ADGRF5: variants seen among roughly 807,000 people sequenced by gnomAD.
The protein encoded by ADGRF5 is adhesion G protein-coupled receptor F5.
A neutral mutation model predicts 132.3 loss-of-function variants in ADGRF5; 75 were observed. That is an observed-to-expected ratio of 0.57 (90% CI 0.47 to 0.69). The LOEUF is 0.69. ADGRF5 is among the 30% of genes least tolerant of loss of function. ADGRF5 has a pLI of 0.00. For synonymous variants in ADGRF5, 629 were observed against 597.6 expected (o/e 1.05, Z -0.77); for missense variants, 1,516 against 1,630.6 (o/e 0.93, Z 1.21).
intron 13 of ADGRF5, among the ~76,000 whole-genome samples, chr6:46,866,220 G>A (rs1388125117): frequency 6.6e-6 from 1 of 152,166 alleles, no homozygotes; most frequent in Non-Finnish European, 1.5e-5. Context: ...GTGATGGCAG[G>A]ACAACTATAT....
intron 4 of ADGRF5, among the ~76,000 whole-genome samples, chr6:46,885,133 G>T (rs1027171963): frequency 1.1e-4 from 17 of 150,792 alleles, no homozygotes; most frequent in Non-Finnish European, 1.5e-5. Flanking sequence ...GGAAGAGGTT[G>T]CAGTGAGTTG....
intron 3 of ADGRF5, among the ~76,000 whole-genome samples, chr6:46,889,499 T>G (rs662679): frequency 0.33 from 47,580 of 143,992 alleles, 9,922 homozygotes; most frequent in East Asian, 0.51. Flanking sequence ...AGTTTATATA[T>G]AGAGAGAGAC....
At chr6:46,895,713 A>G (rs1581895980) in intron 3 of ADGRF5, among the ~76,000 whole-genome samples, 1 of 151,390 alleles carries the variant, frequency 6.6e-6, no homozygotes, top group East Asian at 1.9e-4. Flanking sequence ...GGGGCTCTTC[A>G]GCACCAGGCT....
intron 1 of ADGRF5, among the ~76,000 whole-genome samples, chr6:46,930,369 C>T (rs1777497087): frequency 6.6e-6 from 1 of 152,184 alleles, no homozygotes; most frequent in Non-Finnish European, 1.5e-5. Context: ...GAAACTGCCC[C>T]TACTCTGACT....
intron 9 of ADGRF5, among the ~76,000 whole-genome samples, chr6:46,879,491 C>T (rs1015829848): frequency 2.0e-5 from 3 of 152,158 alleles, no homozygotes; most frequent in African/African-American, 7.2e-5. Flanking sequence ...CTCTCCCTCT[C>T]CTGCTGCCAT....
chr6:46,926,671 T>C (rs1400253178), upstream of ADGRF5, among the ~76,000 whole-genome samples: 3 of 152,294 alleles, frequency 2.0e-5, no homozygotes, highest in African/African-American at 7.2e-5. Context: ...TCACTTCTGA[T>C]GCCCATGGTA....
chr6:46,867,168 A>G (rs1770548137), intron 12 of ADGRF5, 31 bp from the exon 13 acceptor site: 3 of 1,206,588 alleles, frequency 2.5e-6, no homozygotes, highest in Non-Finnish European at 3.5e-6. Context: ...ATGAGATGGA[A>G]TGGAAATAAT....
At chr6:46,873,747 G>A (rs954122960) in intron 10 of ADGRF5, among the ~76,000 whole-genome samples, 3 of 151,974 alleles carry the variant, frequency 2.0e-5, no homozygotes, top group African/African-American at 4.8e-5. Context: ...TGACATCTTC[G>A]GTACCTTCAA....
At chr6:46,897,488 C>T (rs1311146296) in intron 3 of ADGRF5, among the ~76,000 whole-genome samples, 1 of 152,176 alleles carries the variant, frequency 6.6e-6, no homozygotes, top group African/African-American at 2.4e-5. Context: ...ACACACCCAC[C>T]AAGCAGAACA....
chr6:46,866,782 T>G, intron 13 of ADGRF5, 143 bp downstream of exon 13: 2 of 592,436 alleles, frequency 3.4e-6, no homozygotes, highest in East Asian at 5.6e-5. Context: ...AAATAGAAGG[T>G]AACAAAGATT....
intron 1 of ADGRF5, among the ~76,000 whole-genome samples, chr6:46,941,597 C>A (rs774616704): frequency 6.6e-5 from 10 of 151,896 alleles, no homozygotes; most frequent in Non-Finnish European, 1.3e-4. Context: ...GTCAAGCTGT[C>A]CAGGTGATTC....
At chr6:46,870,872 A>T in intron 11 of ADGRF5, 1 of 444,536 alleles carries the variant, frequency 2.2e-6, no homozygotes, top group Non-Finnish European at 4.5e-6. Context: ...AGCAATTTGC[A>T]GTTTTCTGTA....
At chr6:46,927,305 T>A (rs1007447682) in intron 1 of ADGRF5, among the ~76,000 whole-genome samples, 1 of 45,122 alleles carries the variant, frequency 2.2e-5, no homozygotes, top group African/African-American at 1.5e-4. Context: ...GCGGCGGGGG[T>A]GGGTGGAGGG....
chr6:46,863,810 T>A (rs1770064861), intron 14 of ADGRF5, among the ~76,000 whole-genome samples: 1 of 152,174 alleles, frequency 6.6e-6, no homozygotes, highest in South Asian at 2.1e-4. Context: ...AAACCATATT[T>A]GGTATAAAGA....
At chr6:46,862,790 C>T in intron 15 of ADGRF5, 98 bp downstream of exon 15, 1 of 502,364 alleles carries the variant, frequency 2.0e-6, no homozygotes, top group South Asian at 1.7e-5. Flanking sequence ...TGGAGCAACA[C>T]AAAGCAGCAC....
intron 3 of ADGRF5, among the ~76,000 whole-genome samples, chr6:46,894,849 T>C (rs1774007240): frequency 6.6e-6 from 1 of 152,242 alleles, no homozygotes; most frequent in African/African-American, 2.4e-5. Flanking sequence ...ATAATGATTA[T>C]ATTTTATGCA....
intron 1 of ADGRF5, among the ~76,000 whole-genome samples, chr6:46,936,063 CA>C (rs1777808524): frequency 6.6e-6 from 1 of 152,230 alleles, no homozygotes; most frequent in Non-Finnish European, 1.5e-5. Flanking sequence ...GCATCGGAAA[CA>C]ATCCTTATGG....
In ADGRF5 at chr6:46,895,468, G is replaced by A. The variant is rs575494419; in HGVS notation, c.157+4561C>T. 9.2e-5 allele frequency among the ~76,000 whole-genome samples: 14 copies of A among 151,556 alleles called. No homozygotes were observed. The East Asian group carries it at 1.4e-3, about 15-fold the overall frequency. ...CTGTTCCTCAACCTGGGAAGTGCAC[G>A]GCATTTCCTAGACCCAGATCTAAAA... On this transcript the variant is annotated intron_variant, in intron 3 of 20. Transcript: ENST00000283296.
At chr6:46,942,270 C>T (rs913033319) in intron 1 of ADGRF5, among the ~76,000 whole-genome samples, 5 of 152,226 alleles carry the variant, frequency 3.3e-5, no homozygotes, top group Non-Finnish European at 7.3e-5. Context: ...CACACCCCAC[C>T]CCAGGGTAGG....
Sources: allele counts gnomAD v4.1 joint callset (sites outside exome capture counted in the v4.1 genomes callset), GRCh38; gene constraint gnomAD v4.1.1; transcripts MANE v1.5; gene names NCBI Gene and HGNC (gene_info 2026-07-23, HGNC 2026-07-21).